KIF26B: variants seen among roughly 807,000 people sequenced by gnomAD.
KIF26B encodes kinesin-like protein KIF26B.
KIF26B carries 63 observed loss-of-function variants against 151.2 expected under a neutral mutation model. The ratio of observed to expected loss-of-function variants is 0.42; its 90% confidence interval spans 0.34 to 0.51. The LOEUF is 0.51. KIF26B is among the 20% of genes least tolerant of loss of function. The pLI, the probability that KIF26B is intolerant of heterozygous loss-of-function variation, is 0.07. For synonymous variants in KIF26B, 1,357 were observed against 1,262.1 expected (o/e 1.08, Z -1.59); for missense variants, 2,813 against 2,913.6 (o/e 0.97, Z 0.79).
chr1:245,291,869 G>GA (rs1671258406), intron 2 of KIF26B, among the ~76,000 whole-genome samples: 4 of 151,716 alleles, frequency 2.6e-5, no homozygotes, highest in African/African-American at 9.7e-5. Context: ...TGTGCAGAAG[G>GA]GCCCTGGTGC....
At chr1:245,562,234 T>C (rs2042963847) in intron 5 of KIF26B, among the ~76,000 whole-genome samples, 1 of 151,840 alleles carries the variant, frequency 6.6e-6, no homozygotes, top group South Asian at 2.1e-4. Flanking sequence ...AAACAGCAGA[T>C]TAGAGGACAG....
At chr1:245,323,576 C>T (rs1316096339) in intron 2 of KIF26B, among the ~76,000 whole-genome samples, 3 of 152,112 alleles carry the variant, frequency 2.0e-5, no homozygotes, top group South Asian at 2.1e-4. Context: ...ATTTGTATGG[C>T]GGATTGGATT....
intron 4 of KIF26B, among the ~76,000 whole-genome samples, chr1:245,475,965 A>G (rs1290091409): frequency 5.3e-5 from 8 of 151,924 alleles, no homozygotes; most frequent in Non-Finnish European, 1.5e-5. Flanking sequence ...ACGAATGTTC[A>G]TGGCAGCGTT....
In KIF26B at chr1:245,330,801, G is replaced by GGGGGAGAGTC. The variant is rs1553347448; in HGVS notation, c.466-36029_466-36028insAGAGTCGGGG. 1.5e-4 allele frequency among the ~76,000 whole-genome samples: 12 copies of GGGGGAGAGTC among 81,212 alleles called. No homozygotes were observed. In the East Asian group the frequency reaches 4.8e-3, roughly 33 times the overall value. The allele number at this position is 81,212 out of a possible 152,430, so 53.3% of individuals were successfully genotyped here. On this transcript the variant is annotated intron_variant, in intron 2 of 14. Coordinates refer to ENST00000407071, the MANE Select transcript of KIF26B (RefSeq NM_018012.4). ...TTGGGGGAGGGAATAGCGGGGTAAT[G>GGGGGAGAGTC]GGGGGAGAGTCGGGGGAGAGTCGGG... is the stretch of plus-strand genomic sequence containing the variant.
intron 3 of KIF26B, among the ~76,000 whole-genome samples, chr1:245,385,646 G>A (rs979325824): frequency 6.6e-6 from 1 of 152,180 alleles, no homozygotes; most frequent in African/African-American, 2.4e-5. Context: ...GGAAGAGGCA[G>A]AGAAGGAAGG....
In KIF26B at chr1:245,686,174, G is replaced by A; in HGVS notation, c.3191G>A (p.Gly1064Asp). 1 of 1,612,004 alleles carries A rather than the reference G, an allele frequency of 6.2e-7. No homozygotes were observed. Among genetic ancestry groups the A allele is most frequent in the South Asian group, 1.1e-5 (1 of 91,076 alleles). Residue 1064 changes from glycine (G) to aspartate (D), a missense_variant, in exon 12 of 15, where the codon GGC becomes GAC. Transcript: ENST00000407071. This position sits in a 1 kb window ranked among gnomAD's most constrained non-coding sequence, Gnocchi z 5.6. ...GTGGAAGGCAAGCCCAGGCCCATGG[G>A]CTCCCCCCGGCTGGGCATCGCCAGC... The part of the protein sequence containing the change: ...GFVEGKPRPM[G>D]SPRLGIASLS...
At chr1:245,296,204 T>G (rs1671334291) in intron 2 of KIF26B, among the ~76,000 whole-genome samples, 1 of 151,924 alleles carries the variant, frequency 6.6e-6, no homozygotes, top group African/African-American at 2.4e-5. Context: ...GCTAGGATAT[T>G]TACCCAAGGT....
chr1:245,303,398 C>T (rs1045583766), intron 2 of KIF26B, among the ~76,000 whole-genome samples: 1 of 151,522 alleles, frequency 6.6e-6, no homozygotes, highest in African/African-American at 2.4e-5. Flanking sequence ...CGGGGTTTCA[C>T]CGTGTTAGCC....
chr1:245,476,713 C>T (rs935407596), intron 4 of KIF26B, among the ~76,000 whole-genome samples: 2 of 151,370 alleles, frequency 1.3e-5, no homozygotes, highest in Non-Finnish European at 3.0e-5. Flanking sequence ...TTTTTGTAGA[C>T]ATGGGGTTTC....
At chr1:245,456,466 C>G (rs1261553871) in intron 4 of KIF26B, among the ~76,000 whole-genome samples, 1 of 152,220 alleles carries the variant, frequency 6.6e-6, no homozygotes, top group African/African-American at 2.4e-5. Context: ...GTTTCTGGAA[C>G]CCACTCCAAT....
intron 2 of KIF26B, among the ~76,000 whole-genome samples, chr1:245,361,339 G>T (rs1672813674): frequency 6.6e-6 from 1 of 152,156 alleles, no homozygotes; most frequent in Admixed American, 6.5e-5. Flanking sequence ...GGGTAATTTG[G>T]TTTCTTATGT....
At position 245,572,195 on chromosome 1, in the gene KIF26B, C is replaced by T. The variant is rs962889650; in HGVS notation, c.1351-30382C>T. ...CTACGTGGCCGTAGGAATGGTTTGC[C>T]CTTGCTCAGGACTTATTTACCTAAT... On this transcript the variant is annotated intron_variant, in intron 5 of 14. Coordinates refer to ENST00000407071, the MANE Select transcript of KIF26B (RefSeq NM_018012.4). This position sits in a 1 kb window ranked among gnomAD's most constrained non-coding sequence, Gnocchi z 4.2. Among the ~76,000 whole-genome samples, 9 of 152,142 alleles carry T rather than the reference C, an allele frequency of 5.9e-5. No homozygotes were observed.
In KIF26B at chr1:245,367,369, T is replaced by A; in HGVS notation, c.999+2T>A. On this transcript the variant is annotated splice_donor_variant, in intron 3 of 14. Transcript: ENST00000407071. LOFTEE classifies it high-confidence loss of function. This position sits in a 1 kb window ranked among gnomAD's most constrained non-coding sequence, Gnocchi z 4.2. Reference sequence around the variant, plus strand: ...GGGGTCACCCTGTACCCATACCAGGTAAGTAGCCTGTGTGAGCCAGGAAGA... The same window carrying A: ...GGGGTCACCCTGTACCCATACCAGGAAAGTAGCCTGTGTGAGCCAGGAAGA... 1 of 1,579,216 alleles carries A rather than the reference T, an allele frequency of 6.3e-7. No homozygotes were observed.
At chr1:245,617,551 T>C (rs1450268392) in intron 9 of KIF26B, among the ~76,000 whole-genome samples, 1 of 152,198 alleles carries the variant, frequency 6.6e-6, no homozygotes, top group Non-Finnish European at 1.5e-5. Context: ...TTGCTTCTAA[T>C]GGAGCCACAG....
intron 10 of KIF26B, among the ~76,000 whole-genome samples, chr1:245,675,718 G>C (rs2044349386): frequency 6.6e-6 from 1 of 152,036 alleles, no homozygotes; most frequent in Non-Finnish European, 1.5e-5. Flanking sequence ...GAATTTGGGA[G>C]ATTATTGCAT....
chr1:245,189,743 G>C (rs1669064242), intron 2 of KIF26B, among the ~76,000 whole-genome samples: 1 of 152,218 alleles, frequency 6.6e-6, no homozygotes, highest in Non-Finnish European at 1.5e-5. Context: ...AAAGTTGAAG[G>C]CAGTCATATT....
intron 5 of KIF26B, among the ~76,000 whole-genome samples, chr1:245,555,290 T>C (rs1013280254): frequency 2.6e-5 from 4 of 152,064 alleles, no homozygotes; most frequent in Admixed American, 6.6e-5. Flanking sequence ...ATTCAAACTG[T>C]GATGCCTCAT....
intron 2 of KIF26B, among the ~76,000 whole-genome samples, chr1:245,284,924 A>G (rs1671138783): frequency 6.6e-6 from 1 of 152,220 alleles, no homozygotes; most frequent in South Asian, 2.1e-4. Context: ...CTGTAATCCC[A>G]GCTGCTCAGG....
intron 2 of KIF26B, among the ~76,000 whole-genome samples, chr1:245,294,276 C>G (rs1014321349): frequency 2.6e-5 from 4 of 152,234 alleles, no homozygotes; most frequent in Admixed American, 1.3e-4. Flanking sequence ...AAGTCTCCCC[C>G]TCTCCCCTCC....
Sources: gnomAD v4.1 joint callset for allele counts (sites outside exome capture counted in the v4.1 genomes callset) on GRCh38, gnomAD v4.1.1 for gene constraint, Gnocchi (gnomAD v3.1) non-coding constraint, MANE v1.5 for transcripts, NCBI Gene and HGNC (gene_info 2026-07-23, HGNC 2026-07-21) for gene names.